CDH4: variants seen among roughly 807,000 people sequenced by gnomAD.
The protein encoded by CDH4 is cadherin-4.
CDH4 carries 33 observed loss-of-function variants against 86.0 expected under a neutral mutation model. That is an observed-to-expected ratio of 0.38 (90% CI 0.29 to 0.51). The LOEUF (loss-of-function observed/expected upper bound fraction) is 0.51, where lower values mean the gene tolerates loss of function less well. Ranked by LOEUF, CDH4 falls within the 20% of genes least tolerant of loss-of-function variation. CDH4 has a pLI of 0.86. For synonymous variants in CDH4, 555 were observed against 549.4 expected (o/e 1.01, Z -0.14); for missense variants, 1,114 against 1,307.4 (o/e 0.85, Z 2.28).
intron 2 of CDH4, among the ~76,000 whole-genome samples, chr20:61,556,499 T>C (rs1002588980): frequency 6.6e-6 from 1 of 152,010 alleles, no homozygotes. Context: ...AGAGAAACAA[T>C]GAAAGTCCAA....
intron 2 of CDH4, among the ~76,000 whole-genome samples, chr20:61,431,359 GT>G (rs34959436): frequency 0.047 from 6,093 of 129,886 alleles, 129 homozygotes; most frequent in East Asian, 0.057. Flanking sequence ...TTTTTTGTTG[GT>G]TTTTTTTTTT....
intron 5 of CDH4, among the ~76,000 whole-genome samples, chr20:61,849,987 T>C (rs2146109232): frequency 6.6e-6 from 1 of 152,318 alleles, no homozygotes; most frequent in East Asian, 1.9e-4. Flanking sequence ...CCCAGCTCTG[T>C]GGGCTGAGGG....
intron 2 of CDH4, among the ~76,000 whole-genome samples, chr20:61,601,932 T>C (rs1423036416): frequency 1.3e-5 from 2 of 152,124 alleles, no homozygotes; most frequent in Admixed American, 6.5e-5. Flanking sequence ...GACAGGAGCA[T>C]ACCAGGAGGG....
intron 2 of CDH4, among the ~76,000 whole-genome samples, chr20:61,664,283 C>A (rs570766950): frequency 1.8e-4 from 27 of 152,366 alleles, no homozygotes; most frequent in Middle Eastern, 6.8e-3. Context: ...TTGACATCCA[C>A]ATGCCCCAGG....
At chr20:61,606,262 T>C (rs1387031421) in intron 2 of CDH4, among the ~76,000 whole-genome samples, 1 of 152,194 alleles carries the variant, frequency 6.6e-6, no homozygotes, top group African/African-American at 2.4e-5. Context: ...AAGCACCACC[T>C]CTGTGCCGGG....
intron 2 of CDH4, among the ~76,000 whole-genome samples, chr20:61,584,454 A>G (rs2145723611): frequency 6.6e-6 from 1 of 151,986 alleles, no homozygotes; most frequent in Admixed American, 6.5e-5. Flanking sequence ...TCGCCCTAAC[A>G]GTTCTGCCTG....
At chr20:61,715,766 G>A (rs550157492) in intron 2 of CDH4, among the ~76,000 whole-genome samples, 2 of 152,284 alleles carry the variant, frequency 1.3e-5, no homozygotes, top group South Asian at 4.2e-4. Flanking sequence ...AAGGAGGTCA[G>A]CAGCCTCTTG....
chr20:61,282,039 G>A (rs771779873), intron 2 of CDH4, among the ~76,000 whole-genome samples: 2 of 152,196 alleles, frequency 1.3e-5, no homozygotes, highest in African/African-American at 2.4e-5. Context: ...TCGGAAGCAC[G>A]CATGGCATAT....
At chr20:61,597,872 G>C (rs1208076254) in intron 2 of CDH4, among the ~76,000 whole-genome samples, 1 of 152,218 alleles carries the variant, frequency 6.6e-6, no homozygotes, top group Non-Finnish European at 1.5e-5. Context: ...AGCCTCAGAG[G>C]GCAGGGACGG....
In CDH4 at chr20:61,706,915, C is replaced by A. The variant is rs6121457; in HGVS notation, c.170-36648C>A. ...ATCCCCGCAGAGGGCTGAAGAGAGG[C>A]GTCTGTGGCACGTGGTGGGGGCCCT... On this transcript the variant is annotated intron_variant, in intron 2 of 15. Coordinates refer to ENST00000614565, the MANE Select transcript of CDH4 (RefSeq NM_001794.5). 2.0e-5 allele frequency among the ~76,000 whole-genome samples: 3 copies of A among 152,218 alleles called. No homozygotes were observed. The East Asian group carries it at 5.8e-4, about 29-fold the overall frequency.
chr20:61,413,013 C>T (rs1892318), intron 2 of CDH4, among the ~76,000 whole-genome samples: 57,196 of 152,024 alleles, frequency 0.38, 11,958 homozygotes, highest in South Asian at 0.53. Context: ...AATAGTCCAT[C>T]CCCCAAGCCA....
At chr20:61,704,366 C>T (rs145217750) in intron 2 of CDH4, among the ~76,000 whole-genome samples, 5 of 152,246 alleles carry the variant, frequency 3.3e-5, no homozygotes, top group Non-Finnish European at 5.9e-5. Context: ...CCAGGTCACT[C>T]GGGAGGAAGG....
rs1034043982 is a variant in CDH4 at position 61,863,181 on chromosome 20, G to A, written c.877+10283G>A. 5.3e-5 allele frequency among the ~76,000 whole-genome samples: 8 copies of A among 152,334 alleles called. No individual in the cohort carries two copies. In the South Asian group the frequency reaches 8.3e-4, roughly 16 times the overall value. On this transcript the variant is annotated intron_variant, in intron 6 of 15. Transcript: ENST00000614565. ...GGTACATGAATTCCGAGAAAGAGCC[G>A]AGCCTGGCAGCCTCCGCTGTCTCCC...
intron 4 of CDH4, among the ~76,000 whole-genome samples, chr20:61,802,897 T>G (rs4925288): frequency 0.36 from 55,165 of 152,130 alleles, 10,112 homozygotes; most frequent in East Asian, 0.42. Context: ...TTTTGCGGGA[T>G]AGTCGCAGGC....
At chr20:61,764,485 C>T (rs942555886) in intron 3 of CDH4, among the ~76,000 whole-genome samples, 3 of 152,086 alleles carry the variant, frequency 2.0e-5, no homozygotes, top group Admixed American at 1.3e-4. Flanking sequence ...CAGAGAGACC[C>T]GGGGCTGGAG....
intron 2 of CDH4, among the ~76,000 whole-genome samples, chr20:61,347,158 T>C (rs6015959): frequency 0.2 from 30,184 of 152,260 alleles, 2,997 homozygotes; most frequent in Middle Eastern, 0.35. Flanking sequence ...TCTCAGAACC[T>C]GACCTCTGTG....
chr20:61,641,349 C>T lies in CDH4; in HGVS notation c.170-102214C>T, dbSNP rs944378910. ...AAGGGAGCTCAGCAGGGTGGGCCACCCCTCCAGCTCCCCACAGCCCACCCC... is the reference window on the plus strand; with the variant it reads ...AAGGGAGCTCAGCAGGGTGGGCCACTCCTCCAGCTCCCCACAGCCCACCCC... On this transcript the variant is annotated intron_variant, in intron 2 of 15. Coordinates refer to ENST00000614565, the MANE Select transcript of CDH4 (RefSeq NM_001794.5). Among the ~76,000 whole-genome samples, 152 of 151,352 alleles carry T rather than the reference C, an allele frequency of 1.0e-3. 1 individual carries two copies. The highest frequency in any genetic ancestry group is 3.5e-3 in the African/African-American group (147 of 41,482).
At chr20:61,827,215 A>G (rs1158154146) in intron 4 of CDH4, among the ~76,000 whole-genome samples, 1 of 152,196 alleles carries the variant, frequency 6.6e-6, no homozygotes, top group Non-Finnish European at 1.5e-5. Flanking sequence ...GCAAAAGGGA[A>G]TCAACGCGTC....
chr20:61,405,871 G>A (rs535865045), intron 2 of CDH4, among the ~76,000 whole-genome samples: 269 of 152,130 alleles, frequency 1.8e-3, no homozygotes, highest in African/African-American at 6.0e-3. Flanking sequence ...TAGTAGAGAC[G>A]GGGTTTCACC....
Sources: allele counts gnomAD v4.1 joint callset (sites outside exome capture counted in the v4.1 genomes callset), GRCh38; gene constraint gnomAD v4.1.1; transcripts MANE v1.5; gene names NCBI Gene and HGNC (gene_info 2026-07-23, HGNC 2026-07-21).